The following EHMT1 variants were observed in gnomAD, a reference collection of about 807,000 sequenced individuals.
EHMT1 encodes histone-lysine N-methyltransferase EHMT1.
Under a neutral mutation model 147.2 loss-of-function variants are expected in EHMT1, and 15 were observed. That is an observed-to-expected ratio of 0.10 (90% CI 0.07 to 0.16). The LOEUF (loss-of-function observed/expected upper bound fraction) is 0.16. Ranked by LOEUF, EHMT1 falls within the 10% of genes least tolerant of loss-of-function variation. EHMT1 has a pLI of 1.00. For synonymous variants in EHMT1, 795 were observed against 709.6 expected (o/e 1.12, Z -1.91); for missense variants, 1,587 against 1,772.4 (o/e 0.90, Z 1.88).
intron 3 of EHMT1, among the ~76,000 whole-genome samples, chr9:137,723,524 G>A (rs1486227551): frequency 2.1e-5 from 3 of 144,394 alleles, no homozygotes; most frequent in East Asian, 4.2e-4. Flanking sequence ...GGGTGTGTCC[G>A]TGTCTGTGGT....
intron 3 of EHMT1, among the ~76,000 whole-genome samples, chr9:137,719,481 A>C (rs182736449): frequency 6.6e-6 from 1 of 152,298 alleles, no homozygotes; most frequent in East Asian, 1.9e-4. Flanking sequence ...TGGTGCGGAC[A>C]ACTGCCCTAG....
chr9:137,684,351 A>G (rs1295500564), intron 1 of EHMT1, among the ~76,000 whole-genome samples: 3 of 152,124 alleles, frequency 2.0e-5, no homozygotes, highest in Non-Finnish European at 4.4e-5. Context: ...TTAATTTGAA[A>G]TAATTTCAAC....
At position 137,635,649 on chromosome 9, in the gene EHMT1, T is replaced by C. The variant is rs1295732708; in HGVS notation, c.21+16600T>C. On this transcript the variant is annotated intron_variant, in intron 1 of 26. Coordinates refer to ENST00000460843, the MANE Select transcript of EHMT1 (RefSeq NM_024757.5). ...TCCTGGCTAACATGGTGAAACCCCG[T>C]CTCTACTAAAAATACAAAAAATTAG... Among the ~76,000 whole-genome samples the C allele has an allele frequency of 3.3e-5, 5 of 151,270 alleles. No homozygotes were observed. In the East Asian group the frequency reaches 1.0e-3, roughly 32 times the overall value.
chr9:137,694,584 C>T (rs1023045608), intron 1 of EHMT1, among the ~76,000 whole-genome samples: 1 of 152,212 alleles, frequency 6.6e-6, no homozygotes, highest in African/African-American at 2.4e-5. Context: ...TTAATTTGCT[C>T]CATATTAAAC....
At chr9:137,665,367 T>A (rs952887250) in intron 1 of EHMT1, among the ~76,000 whole-genome samples, 1 of 152,158 alleles carries the variant, frequency 6.6e-6, no homozygotes, top group African/African-American at 2.4e-5. Flanking sequence ...GTGGGGAGAC[T>A]GCTGTGCTCG....
intron 18 of EHMT1, among the ~76,000 whole-genome samples, chr9:137,804,597 C>A (rs1340875513): frequency 2.6e-5 from 4 of 152,076 alleles, no homozygotes; most frequent in African/African-American, 9.7e-5. Context: ...CAACGTTTTT[C>A]TTTATTTTTA....
In EHMT1 at chr9:137,835,703, A is replaced by G. The variant is rs1021655064; in HGVS notation, c.*750A>G. ...GATTTATTTTCTACCATTACTGAAC[A>G]TTAGGACAAACACAAAATAAAAAAC... On this transcript the variant is annotated 3_prime_UTR_variant, in exon 27 of 27. Coordinates refer to ENST00000460843, the MANE Select transcript of EHMT1 (RefSeq NM_024757.5). 4.6e-5 allele frequency: 7 copies of G among 152,644 alleles called. No individual in the cohort carries two copies. The highest frequency in any genetic ancestry group is 4.6e-4 in the Admixed American group (7 of 15,286). 9.5% of individuals were successfully genotyped at this position (152,644 alleles called of 1,614,324 possible).
At chr9:137,762,399 T>C (rs922711417) in intron 9 of EHMT1, among the ~76,000 whole-genome samples, 3 of 152,258 alleles carry the variant, frequency 2.0e-5, no homozygotes, top group African/African-American at 7.2e-5. Context: ...TTGGAACTTG[T>C]GTCCTGGGTC....
chr9:137,826,797 G>T (rs1207330829), intron 25 of EHMT1, among the ~76,000 whole-genome samples: 4 of 152,230 alleles, frequency 2.6e-5, no homozygotes, highest in African/African-American at 7.2e-5. Context: ...TCACTGGCCA[G>T]GTTCCTCCTG....
intron 1 of EHMT1, chr9:137,637,422 G>T (rs1309324010): frequency 6.6e-6 from 1 of 152,240 alleles, no homozygotes; most frequent in Non-Finnish European, 1.5e-5. Context: ...TGATCCGCCT[G>T]CCTTGGCCTC....
rs1303401203 is a variant in EHMT1, at chr9:137,716,055, ATGGTGGGGGGAGGAAATTGTGGTGTCG to A, written c.86-561_86-535del. On this transcript the variant is annotated intron_variant, in intron 2 of 26. Coordinates refer to ENST00000460843, the MANE Select transcript of EHMT1 (RefSeq NM_024757.5). Reference sequence around the variant, plus strand: ...AGGGGGAGGAAATTGTGTTGGTGTCATGGTGGGGGGAGGAAATTGTGGTGTCGTGGTGGGGGAGGAAGTTGTGGTGGT... The same window carrying A: ...AGGGGGAGGAAATTGTGTTGGTGTCATGGTGGGGGAGGAAGTTGTGGTGGT... Among the ~76,000 whole-genome samples, 723 of 134,144 alleles carry A rather than the reference ATGGTGGGGGGAGGAAATTGTGGTGTCG, an allele frequency of 5.4e-3. 5 individuals are homozygous for A. The highest frequency in any genetic ancestry group is 0.022 in the Middle Eastern group (6 of 268). The allele number at this position is 134,144 out of a possible 152,430, so 88.0% of individuals were successfully genotyped here. A position where few individuals can be genotyped will look rare whatever the true frequency, so the allele number is the denominator to read the frequency against.
chr9:137,763,304 G>C (rs1349871900), intron 10 of EHMT1: 3 of 248,104 alleles, frequency 1.2e-5, no homozygotes, highest in African/African-American at 2.2e-5. Flanking sequence ...TGGGACAGGA[G>C]GGGGGATCAG....
chr9:137,835,074 C>A lies in EHMT1; in HGVS notation c.*121C>A. On this transcript the variant is annotated 3_prime_UTR_variant, in exon 27 of 27. Coordinates refer to ENST00000460843, the MANE Select transcript of EHMT1 (RefSeq NM_024757.5). Reference sequence around the variant, plus strand: ...CCTTCGGGGCTGCGCCGCCGGCTTCCTGGAGGGGTCGGAGGTGAGGCTGCA... The same window carrying A: ...CCTTCGGGGCTGCGCCGCCGGCTTCATGGAGGGGTCGGAGGTGAGGCTGCA... 1 of 1,201,368 alleles carries A rather than the reference C, an allele frequency of 8.3e-7. No individual in the cohort carries two copies. The highest frequency in any genetic ancestry group is 1.1e-6 in the Non-Finnish European group (1 of 930,780). The allele number at this position is 1,201,368 out of a possible 1,614,324, so 74.4% of individuals were successfully genotyped here.
intron 1 of EHMT1, among the ~76,000 whole-genome samples, chr9:137,666,616 G>C (rs1195742629): frequency 6.6e-6 from 1 of 152,218 alleles, no homozygotes. Flanking sequence ...AAATCTGTCC[G>C]CCTTGGCTGT....
In EHMT1 at chr9:137,777,978, G is replaced by A. The variant is rs1564741472; in HGVS notation, c.2115G>A (p.Gly705=). 8 of 1,613,852 alleles carry A rather than the reference G, an allele frequency of 5.0e-6. No individual in the cohort carries two copies. Among genetic ancestry groups the A allele is most frequent in the Non-Finnish European group, 6.8e-6 (8 of 1,180,032 alleles). ...GFDPTGPAGL[G]RPTPGLSQGP... is the part of the protein sequence containing the mutation. ...ATCCAACGGGACCTGCTGGGCTTGG[G>A]AGGCCAACTCCCGGCCTTTCCCAGG... Residue 705 remains glycine (G), a synonymous_variant, in exon 13 of 27, where the codon GGG becomes GGA. Transcript: ENST00000460843.
chr9:137,644,252 G>A (rs1327019470), intron 1 of EHMT1, among the ~76,000 whole-genome samples: 1 of 152,072 alleles, frequency 6.6e-6, no homozygotes, highest in Non-Finnish European at 1.5e-5. Context: ...AAGTGGGGGT[G>A]GTTGTGTGCT....
chr9:137,718,131 G>C (rs992544294), intron 3 of EHMT1, among the ~76,000 whole-genome samples: 2 of 148,526 alleles, frequency 1.3e-5, no homozygotes, highest in Admixed American at 6.7e-5. Flanking sequence ...TTCACACACA[G>C]GGCGCGCCTG....
At chr9:137,784,298 G>C in intron 15 of EHMT1, 1 of 1,434,198 alleles carries the variant, frequency 7.0e-7, no homozygotes, top group Non-Finnish European at 9.2e-7. Context: ...AGAGAGGCGT[G>C]GCTCCATCTT....
At chr9:137,724,357 GC>G (rs1303268426) in intron 3 of EHMT1, among the ~76,000 whole-genome samples, 1 of 152,158 alleles carries the variant, frequency 6.6e-6, no homozygotes, top group African/African-American at 2.4e-5. Flanking sequence ...GGGAAGGGCT[GC>G]CCTCCCAGAG....
Sources: allele counts gnomAD v4.1 joint callset (sites outside exome capture counted in the v4.1 genomes callset), GRCh38; gene constraint gnomAD v4.1.1; transcripts MANE v1.5; gene names NCBI Gene and HGNC (gene_info 2026-07-23, HGNC 2026-07-21).